Variants in AMACR observed in about 807,000 individuals in gnomAD.
AMACR encodes the protein alpha-methylacyl-CoA racemase, also known as 2-methylacyl-CoA racemase.
AMACR carries 18 observed loss-of-function variants against 22.2 expected under a neutral mutation model. The observed-to-expected ratio is 0.81, with a 90% CI of 0.56 to 1.20. The LOEUF is 1.20. Among genes scored for constraint, AMACR ranks in the 50% most tolerant of loss-of-function variants. AMACR has a pLI of 0.00. For missense variants in AMACR, 499 were observed against 490.6 expected, an observed-to-expected ratio of 1.02 and a Z score of -0.16; for synonymous variants, 213 against 191.3, an observed-to-expected ratio of 1.11 and a Z score of -0.94.
chr5:34,003,648 C>G (rs1336835966), intron 3 of AMACR, among the ~76,000 whole-genome samples: 2 of 152,202 alleles, frequency 1.3e-5, no homozygotes, highest in African/African-American at 4.8e-5. Context: ...AGCCAGAAAC[C>G]TGGGAGCCAG....
Position 33,999,240 on chromosome 5 carries a change from C to T in AMACR, c.553-413G>A, listed in dbSNP as rs143038813. On this transcript the variant is annotated intron_variant, in intron 3 of 4. Coordinates refer to ENST00000335606, the MANE Select transcript of AMACR (RefSeq NM_014324.6). Reference sequence around the variant, plus strand: ...AAAAATCCATCTTCTGATCTCCATACCTATAAACACACACAGATGTATAAA... The same window carrying T: ...AAAAATCCATCTTCTGATCTCCATATCTATAAACACACACAGATGTATAAA... 8.8e-4 allele frequency among the ~76,000 whole-genome samples: 134 copies of T among 152,256 alleles called. No individual in the cohort carries two copies. In the East Asian group the frequency reaches 0.022, roughly 25 times the overall value.
intron 4 of AMACR, among the ~76,000 whole-genome samples, chr5:33,992,300 G>T (rs1278093004): frequency 2.6e-5 from 4 of 152,008 alleles, no homozygotes; most frequent in African/African-American, 9.6e-5. Context: ...TATCAAATGG[G>T]TGAGGGTGAA....
Position 33,998,660 on chromosome 5 carries a change from G to A in AMACR, c.720C>T (p.Phe240=). 6.2e-7 allele frequency: 1 copy of A among 1,610,766 alleles called. No homozygotes were observed. The highest frequency in any genetic ancestry group is 1.1e-5 in the South Asian group (1 of 90,792). ...ACTTACCTTTGATCAGCAGCTCGTAGAACTGGGGTTCTATTGCTCCAACAG... is the reference window on the plus strand; with the variant it reads ...ACTTACCTTTGATCAGCAGCTCGTAAAACTGGGGTTCTATTGCTCCAACAG... The part of the protein sequence containing the change: ...FMAVGAIEPQ[F]YELLIKGLGL... Residue 240 remains phenylalanine (F), a synonymous_variant, in exon 4 of 5, where the codon TTC becomes TTT. Transcript: ENST00000335606.
rs200505839 is a variant in AMACR, at chr5:33,989,275, C to A, written c.967G>T (p.Val323Leu). The A allele has an allele frequency of 6.2e-7, 1 of 1,614,108 alleles. No homozygotes were observed. The highest frequency in any genetic ancestry group is 1.7e-5 in the Admixed American group (1 of 60,018). The change falls in exon 5 of 5, where the codon GTG becomes TTG. Residue 323 changes from valine to leucine, a missense_variant. Physicochemically the swap from Val to Leu is conservative, Grantham distance 32 (BLOSUM62 1). Transcript: ENST00000335606. ...AGCAGAGGTGCAGGGCGGGGGCTCA[C>A]GTCCTGCTCCTCACTGGTGATAAAC... ...GSFITSEEQD[V>L]SPRPAPLLLN...
chr5:34,006,401 A>G (rs1456104707), intron 1 of AMACR, among the ~76,000 whole-genome samples: 1 of 152,222 alleles, frequency 6.6e-6, no homozygotes, highest in Non-Finnish European at 1.5e-5. Context: ...GTTAGTGACA[A>G]TAGCACCTGA....
intron 4 of AMACR, chr5:33,997,183 A>G: frequency 1.3e-6 from 1 of 751,952 alleles, no homozygotes; most frequent in Non-Finnish European, 2.5e-6. Flanking sequence ...GTTTTGTCAT[A>G]CCCTATATGA....
At chr5:34,001,975 C>T (rs967171759) in intron 3 of AMACR, among the ~76,000 whole-genome samples, 1 of 152,152 alleles carries the variant, frequency 6.6e-6, no homozygotes, top group Non-Finnish European at 1.5e-5. Context: ...TTCACATACC[C>T]TAAAACCTTA....
rs1356587830 is a variant in AMACR, at chr5:33,986,952, CCTTG to C, written c.*2137_*2140del. 59 of 152,214 alleles carry C rather than the reference CCTTG, an allele frequency of 3.9e-4. No homozygotes were observed. Among genetic ancestry groups the C allele is most frequent in the African/African-American group, 1.3e-3 (54 of 41,526 alleles). 9.4% of individuals were successfully genotyped at this position (152,214 alleles called of 1,614,324 possible). On this transcript the variant is annotated 3_prime_UTR_variant, in exon 5 of 5. Transcript: ENST00000335606. ...AAAGACTTCGAGTGGGTTATATTTT[CCTTG>C]CTGGACCGAGTTCAAATGAAAAGTC...
intron 3 of AMACR, among the ~76,000 whole-genome samples, chr5:34,004,049 C>T (rs1291685138): frequency 6.6e-6 from 1 of 152,216 alleles, no homozygotes; most frequent in African/African-American, 2.4e-5. Flanking sequence ...GAGGCAAGCA[C>T]TCAGTGGATG....
chr5:33,992,428 C>T (rs560070940), intron 4 of AMACR, among the ~76,000 whole-genome samples: 1 of 151,498 alleles, frequency 6.6e-6, no homozygotes, highest in African/African-American at 2.4e-5. Context: ...AAAATAATTG[C>T]TGGGTGTAGT....
chr5:34,007,656 G>T (rs1479836475), intron 1 of AMACR, 117 bp downstream of exon 1: 3 of 1,389,722 alleles, frequency 2.2e-6, no homozygotes, highest in Non-Finnish European at 2.8e-6. Flanking sequence ...GGCTGGGGCC[G>T]ACAAGGGTTC....
At chr5:34,005,381 C>G (rs1402687938) in intron 2 of AMACR, among the ~76,000 whole-genome samples, 1 of 152,136 alleles carries the variant, frequency 6.6e-6, no homozygotes, top group Admixed American at 6.5e-5. Context: ...GTGGAGATTT[C>G]GGGGTCCGGG....
chr5:33,994,101 T>G (rs1219979011), intron 4 of AMACR: 2 of 455,560 alleles, frequency 4.4e-6, no homozygotes, highest in South Asian at 1.6e-5. Context: ...AGATACAGAT[T>G]AAAGTATGGT....
chr5:34,003,450 TGCTATGA>T (rs746816492), intron 3 of AMACR, among the ~76,000 whole-genome samples: 5 of 152,154 alleles, frequency 3.3e-5, no homozygotes, highest in Non-Finnish European at 7.3e-5. Flanking sequence ...CAACTAACAA[TGCTATGA>T]GGTGGATGTC....
Position 33,988,810 on chromosome 5 carries a change from A to T in AMACR, c.*283T>A, listed in dbSNP as rs1753378474. 5 of 1,279,152 alleles carry T rather than the reference A, an allele frequency of 3.9e-6. No individual in the cohort carries two copies. The highest frequency in any genetic ancestry group is 4.9e-6 in the Non-Finnish European group (5 of 1,010,940). The allele number at this position is 1,279,152 out of a possible 1,614,324, so 79.2% of individuals were successfully genotyped here. ...TTCACTAGAACCCATTCAAAATATA[A>T]GTCAAGAATCTTAATATCAACAAAT... On this transcript the variant is annotated 3_prime_UTR_variant, in exon 5 of 5. Coordinates refer to ENST00000335606, the MANE Select transcript of AMACR (RefSeq NM_014324.6).
intron 4 of AMACR, among the ~76,000 whole-genome samples, chr5:33,996,083 C>T (rs956788657): frequency 7.2e-5 from 11 of 152,236 alleles, no homozygotes; most frequent in African/African-American, 2.6e-4. Flanking sequence ...GCCTGTCTGG[C>T]AGCTCCCTGA....
At chr5:33,991,942 G>A (rs1432842891) in intron 4 of AMACR, among the ~76,000 whole-genome samples, 7 of 151,972 alleles carry the variant, frequency 4.6e-5, no homozygotes, top group Admixed American at 6.6e-5. Flanking sequence ...GCAATGGCAC[G>A]ATCTCGGCTC....
intron 3 of AMACR, among the ~76,000 whole-genome samples, chr5:34,001,220 G>A (rs34681): frequency 0.12 from 17,859 of 152,218 alleles, 1,110 homozygotes; most frequent in East Asian, 0.17. Context: ...AACTTTAGAC[G>A]AATTAATTTA....
Position 34,004,735 on chromosome 5 carries a change from C to T in AMACR, c.392-1G>A. ...CTTCTGCCAATTTTTGAGAGAACAC[C>T]TACATCATTAAAAACAAATTTAATG... On this transcript the variant is annotated splice_acceptor_variant, in intron 2 of 4. Coordinates refer to ENST00000335606, the MANE Select transcript of AMACR (RefSeq NM_014324.6). LOFTEE classifies it high-confidence loss of function. The T allele has an allele frequency of 6.2e-7, 1 of 1,614,134 alleles. No individual in the cohort carries two copies.
Sources: allele counts gnomAD v4.1 joint callset (sites outside exome capture counted in the v4.1 genomes callset), GRCh38; gene constraint gnomAD v4.1.1; transcripts MANE v1.5; gene names NCBI Gene and HGNC (gene_info 2026-07-23, HGNC 2026-07-21).